GALNT13: variants seen among roughly 807,000 people sequenced by gnomAD.
GALNT13 encodes polypeptide N-acetylgalactosaminyltransferase 13.
GALNT13 carries 28 observed loss-of-function variants against 64.2 expected under a neutral mutation model. That is an observed-to-expected ratio of 0.44 (90% CI 0.32 to 0.60). GALNT13 has a LOEUF of 0.60. Among genes scored for constraint, GALNT13 ranks in the 20% least tolerant of loss-of-function variants. GALNT13 has a pLI of 0.05. For missense variants in GALNT13, 577 were observed against 669.8 expected (o/e 0.86, Z 1.53); for synonymous variants, 214 against 224.6 (o/e 0.95, Z 0.42).
chr2:153,112,123 A>G, the GALNT13 span, among the ~76,000 whole-genome samples: 18,476 of 152,108 alleles, frequency 0.12, 1,322 homozygotes, highest in East Asian at 0.25. Context: ...GGCGGGGGCA[A>G]GAGTGTGACA....
the GALNT13 span, chr2:153,478,505 C>G: frequency 6.2e-7 from 1 of 1,610,062 alleles, no homozygotes; most frequent in Non-Finnish European, 8.5e-7. Flanking sequence ...TCCAGCGCCT[C>G]GCTGCTGTTG....
the GALNT13 span, among the ~76,000 whole-genome samples, chr2:153,799,215 G>C: frequency 6.6e-6 from 1 of 152,086 alleles, no homozygotes; most frequent in Non-Finnish European, 1.5e-5. Context: ...TCTATGGTTA[G>C]TGTTTAGTTT....
intron 2 of GALNT13, among the ~76,000 whole-genome samples, chr2:153,930,024 G>A (rs1690408469): frequency 6.6e-6 from 1 of 151,646 alleles, no homozygotes; most frequent in African/African-American, 2.4e-5. Flanking sequence ...TTTTTGAATT[G>A]TTAATAGCCA....
chr2:153,250,064 G>C, the GALNT13 span, among the ~76,000 whole-genome samples: 1 of 152,156 alleles, frequency 6.6e-6, no homozygotes, highest in African/African-American at 2.4e-5. Context: ...AAGAGCTTCT[G>C]CACAGCGAAA....
At chr2:153,120,110 A>C in the GALNT13 span, among the ~76,000 whole-genome samples, 1 of 152,222 alleles carries the variant, frequency 6.6e-6, no homozygotes, top group African/African-American at 2.4e-5. Context: ...AGAAAGTTAT[A>C]GTAACTTGGG....
intron 4 of GALNT13, among the ~76,000 whole-genome samples, chr2:154,225,195 T>TAGATAG (rs758151463): frequency 1.4e-5 from 2 of 147,590 alleles, no homozygotes; most frequent in African/African-American, 4.9e-5. Flanking sequence ...GATAGATAGA[T>TAGATAG]ACAGAGACTG....
Position 154,453,169 on chromosome 2 carries a change from A to G in GALNT13, c.*2618A>G. 1 of 152,240 alleles carries G rather than the reference A, an allele frequency of 6.6e-6. No homozygotes were observed. The highest frequency in any genetic ancestry group is 1.5e-5 in the Non-Finnish European group (1 of 68,030). 9.4% of individuals were successfully genotyped at this position (152,240 alleles called of 1,614,324 possible). Reference sequence around the variant, plus strand: ...TTATTATTTAGTTCCCTAATTTCCCAGTCCTTGTCTTGAACAATCTTTTCT... The same window carrying G: ...TTATTATTTAGTTCCCTAATTTCCCGGTCCTTGTCTTGAACAATCTTTTCT... On this transcript the variant is annotated 3_prime_UTR_variant, in exon 13 of 13. Transcript: ENST00000392825.
At chr2:153,868,535 T>C (rs1685801849), upstream of GALNT13, among the ~76,000 whole-genome samples, 1 of 152,246 alleles carries the variant, frequency 6.6e-6, no homozygotes, top group African/African-American at 2.4e-5. Flanking sequence ...AGTTATATAA[T>C]ACATTTTCCT....
chr2:154,010,441 A>T (rs1049682437), intron 3 of GALNT13, among the ~76,000 whole-genome samples: 21 of 152,212 alleles, frequency 1.4e-4, no homozygotes, highest in African/African-American at 5.1e-4. Flanking sequence ...GGTAAAGCCC[A>T]CTTGATCAGG....
chr2:153,600,596 T>C, the GALNT13 span, among the ~76,000 whole-genome samples: 2 of 152,106 alleles, frequency 1.3e-5, no homozygotes, highest in South Asian at 4.1e-4. Context: ...TTCTATGAGA[T>C]CCTAATTGAT....
At chr2:154,027,572 A>T (rs1408574524) in intron 3 of GALNT13, among the ~76,000 whole-genome samples, 1 of 152,152 alleles carries the variant, frequency 6.6e-6, no homozygotes, top group Non-Finnish European at 1.5e-5. Context: ...TGAGATATAT[A>T]ATCCAAAAGA....
the GALNT13 span, among the ~76,000 whole-genome samples, chr2:153,273,660 A>G: frequency 6.6e-6 from 1 of 152,230 alleles, no homozygotes; most frequent in Non-Finnish European, 1.5e-5. Context: ...TTTGGGAATT[A>G]AAATGGCCTG....
At chr2:153,522,348 AAG>A in the GALNT13 span, among the ~76,000 whole-genome samples, 155 of 151,748 alleles carry the variant, frequency 1.0e-3, no homozygotes, top group African/African-American at 2.9e-3. Context: ...GAAAAAAATA[AAG>A]AGAGAGAGAG....
chr2:154,330,321 C>T (rs1192905398), intron 9 of GALNT13, among the ~76,000 whole-genome samples: 1 of 152,082 alleles, frequency 6.6e-6, no homozygotes, highest in Non-Finnish European at 1.5e-5. Flanking sequence ...GTATAACACC[C>T]TCAATGAATG....
chr2:153,142,381 A>G, the GALNT13 span, among the ~76,000 whole-genome samples: 1 of 152,040 alleles, frequency 6.6e-6, no homozygotes, highest in African/African-American at 2.4e-5. Flanking sequence ...AAGGTAGAGA[A>G]AAAGAGCAAT....
At chr2:154,327,085 C>A (rs898461031) in intron 9 of GALNT13, among the ~76,000 whole-genome samples, 1 of 152,028 alleles carries the variant, frequency 6.6e-6, no homozygotes, top group African/African-American at 2.4e-5. Context: ...GTAATTGAAT[C>A]ATGGGGCAGT....
At chr2:153,515,936 T>G in the GALNT13 span, among the ~76,000 whole-genome samples, 1 of 152,184 alleles carries the variant, frequency 6.6e-6, no homozygotes, top group Non-Finnish European at 1.5e-5. Flanking sequence ...CTGTTAGACG[T>G]GATAATATCT....
At chr2:154,139,082 T>TA (rs1490496802) in intron 3 of GALNT13, among the ~76,000 whole-genome samples, 4 of 152,020 alleles carry the variant, frequency 2.6e-5, no homozygotes, top group Non-Finnish European at 5.9e-5. Flanking sequence ...CACTTTTTTT[T>TA]ACCCATATCT....
rs188418553 is a variant in GALNT13 at position 153,877,983 on chromosome 2, A to G, written c.-177+5680A>G. Among the ~76,000 whole-genome samples the G allele has an allele frequency of 3.9e-5, 6 of 152,286 alleles. No homozygotes were observed. In the East Asian group the frequency reaches 9.7e-4, roughly 25 times the overall value. On this transcript the variant is annotated intron_variant, in intron 1 of 12. Coordinates refer to ENST00000392825, the MANE Select transcript of GALNT13 (RefSeq NM_052917.4). Reference sequence around the variant, plus strand: ...ATCACCTCAGAATCACACAGCTAATATGTGTGAGCATCAAGGATGACACCA... The same window carrying G: ...ATCACCTCAGAATCACACAGCTAATGTGTGTGAGCATCAAGGATGACACCA...
Sources: allele counts gnomAD v4.1 joint callset (sites outside exome capture counted in the v4.1 genomes callset), GRCh38; gene constraint gnomAD v4.1.1; transcripts MANE v1.5; gene names NCBI Gene and HGNC (gene_info 2026-07-23, HGNC 2026-07-21).